IGF2: variants seen among roughly 807,000 people sequenced by gnomAD.
IGF2 encodes insulin like growth factor 2.
Under a neutral mutation model 12.0 loss-of-function variants are expected in IGF2, and 2 were observed. That is an observed-to-expected ratio of 0.17 (90% CI 0.07 to 0.52). IGF2 has a LOEUF of 0.52. Among genes scored for constraint, IGF2 ranks in the 20% least tolerant of loss-of-function variants. The pLI is 0.95. For synonymous variants in IGF2, 105 were observed against 110.1 expected, an observed-to-expected ratio of 0.95 and a Z score of 0.29; for missense variants, 211 against 268.0, an observed-to-expected ratio of 0.79 and a Z score of 1.48.
At position 2,133,507 on chromosome 11, in the gene IGF2, G is replaced by A. The variant is rs1219479983; in HGVS notation, c.306+10C>T. 6.2e-7 allele frequency: 1 copy of A among 1,609,140 alleles called. No individual in the cohort carries two copies. The highest frequency in any genetic ancestry group is 1.7e-5 in the Admixed American group (1 of 59,484). ...CTCTAGAGAGTGGGAAAGGGGCCCAGGACCCTCACCGGAAGCACGGTCGGA... is the reference window on the plus strand; with the variant it reads ...CTCTAGAGAGTGGGAAAGGGGCCCAAGACCCTCACCGGAAGCACGGTCGGA... On this transcript the variant is annotated intron_variant, in intron 3 of 3. Coordinates refer to ENST00000416167, the MANE Select transcript of IGF2 (RefSeq NM_000612.6). This position sits in a 1 kb window ranked among gnomAD's most constrained non-coding sequence, Gnocchi z 8.9.
chr11:2,141,705 A>G (rs1031138951), upstream of IGF2, among the ~76,000 whole-genome samples: 5 of 152,320 alleles, frequency 3.3e-5, no homozygotes, highest in South Asian at 2.1e-4. Flanking sequence ...GCAGCCGGGG[A>G]AAAAATAACC....
At chr11:2,137,290 C>T (rs895635743) in intron 1 of IGF2, 140 of 987,478 alleles carry the variant, frequency 1.4e-4, no homozygotes, top group Non-Finnish European at 1.6e-4. Context: ...GTCCAGTTTG[C>T]AGGCTGGTCA....
chr11:2,144,295 T>G (rs1859780294), upstream of IGF2, among the ~76,000 whole-genome samples: 1 of 152,004 alleles, frequency 6.6e-6, no homozygotes, highest in African/African-American at 2.4e-5. Context: ...TGCGCCCCAC[T>G]CGCCTCCGCG....
chr11:2,140,062 G>A, upstream of IGF2: 3 of 1,500,634 alleles, frequency 2.0e-6, no homozygotes, highest in South Asian at 3.7e-5. Flanking sequence ...ATCTGGGCCA[G>A]GCTTGGAGCC....
Position 2,138,964 on chromosome 11 carries a change from G to C in IGF2, c.-742C>G, listed in dbSNP as rs1859320725. The C allele has an allele frequency of 1.0e-6, 1 of 981,984 alleles. No homozygotes were observed. The highest frequency in any genetic ancestry group is 1.2e-6 in the Non-Finnish European group (1 of 827,176). The allele number at this position is 981,984 out of a possible 1,614,324, so 60.8% of individuals were successfully genotyped here. Reference sequence around the variant, plus strand: ...CCGTCGCGAGCCCGGGCCTCGGGAGGGGGACAGGCGGTGGCGGCACCGGGG... The same window carrying C: ...CCGTCGCGAGCCCGGGCCTCGGGAGCGGGACAGGCGGTGGCGGCACCGGGG... On this transcript the variant is annotated 5_prime_UTR_variant, in exon 1 of 4. Transcript: ENST00000416167.
rs896555118 is a variant in IGF2, at chr11:2,138,299, C to T, written c.-77G>A. On this transcript the variant is annotated 5_prime_UTR_variant, in exon 1 of 4. Coordinates refer to ENST00000416167, the MANE Select transcript of IGF2 (RefSeq NM_000612.6). ...AAACCGAACAGCGGGCGTTGGCCCT[C>T]CTGCCGGACACTCCTCTGCCAGCGC... 3 of 984,950 alleles carry T rather than the reference C, an allele frequency of 3.0e-6. No homozygotes were observed. The highest frequency in any genetic ancestry group is 3.5e-5 in the African/African-American group (2 of 57,184). The allele number at this position is 984,950 out of a possible 1,614,324, so 61.0% of individuals were successfully genotyped here.
upstream of IGF2, chr11:2,140,073 T>C: frequency 6.4e-7 from 1 of 1,553,016 alleles, no homozygotes; most frequent in Non-Finnish European, 8.8e-7. Context: ...GCTTGGAGCC[T>C]ACGGAGGCTC....
At position 2,132,208 on chromosome 11, in the gene IGF2, T is replaced by G. The variant is rs1858656780; in HGVS notation, c.*779A>C. ...CAATTACATTTCATTTGCATGGATT[T>G]TGGTTTTCATGCTCTGTCCTCCCCT... is the stretch of plus-strand genomic sequence containing the variant. On this transcript the variant is annotated 3_prime_UTR_variant, in exon 4 of 4. Transcript: ENST00000416167. The G allele has an allele frequency of 4.9e-6, 1 of 205,872 alleles. No homozygotes were observed. The allele number at this position is 205,872 out of a possible 1,614,324, so 12.8% of individuals were successfully genotyped here. A position where few individuals can be genotyped will look rare whatever the true frequency, so the allele number is the denominator to read the frequency against.
upstream of IGF2, among the ~76,000 whole-genome samples, chr11:2,144,800 G>A (rs966450878): frequency 5.3e-5 from 8 of 152,084 alleles, no homozygotes; most frequent in Admixed American, 1.3e-4. Flanking sequence ...AGGGGGCACC[G>A]CTGGGGACCA....
chr11:2,135,446 G>A lies in IGF2; in HGVS notation c.78C>T (p.Tyr26=), dbSNP rs1064794050. ...CGCCGCACAGGGTCTCACTGGGGCG[G>A]TAAGCAGCAATGCAGCACGAGGCGA... The part of the protein sequence containing the change: ...LAFASCCIAA[Y]RPSETLCGGE... Residue 26 remains tyrosine, a synonymous_variant, in exon 2 of 4, where the codon TAC becomes TAT. Coordinates refer to ENST00000416167, the MANE Select transcript of IGF2 (RefSeq NM_000612.6). The A allele has an allele frequency of 6.2e-7, 1 of 1,613,706 alleles. No homozygotes were observed. The highest frequency in any genetic ancestry group is 8.5e-7 in the Non-Finnish European group (1 of 1,180,006).
intron 1 of IGF2, among the ~76,000 whole-genome samples, chr11:2,137,788 C>T (rs1451339453): frequency 2.0e-5 from 3 of 152,256 alleles, no homozygotes; most frequent in Admixed American, 6.5e-5. Flanking sequence ...CCGCCCACCC[C>T]CGTCTTCCTC....
At chr11:2,146,630 T>A in the IGF2 span, 1 of 336,566 alleles carries the variant, frequency 3.0e-6, no homozygotes, top group South Asian at 2.2e-5. Flanking sequence ...CGCCACTGTG[T>A]TACCATTTTA....
Position 2,133,392 on chromosome 11 carries a change from G to T in IGF2, c.306+125C>A. ...GTCTGAGCTGCTCCCGGGCCACACA[G>T]CAAGCAAGGAAGTCACGGGTCCTTG... On this transcript the variant is annotated intron_variant, in intron 3 of 3. Transcript: ENST00000416167. This position sits in a 1 kb window ranked among gnomAD's most constrained non-coding sequence, Gnocchi z 8.9. The T allele has an allele frequency of 8.5e-7, 1 of 1,173,668 alleles. No homozygotes were observed. Among genetic ancestry groups the T allele is most frequent in the Non-Finnish European group, 1.2e-6 (1 of 844,162 alleles). The allele number at this position is 1,173,668 out of a possible 1,614,324, so 72.7% of individuals were successfully genotyped here. A position where few individuals can be genotyped will look rare whatever the true frequency, so the allele number is the denominator to read the frequency against.
chr11:2,137,456 C>G (rs1450542387), intron 1 of IGF2, among the ~76,000 whole-genome samples: 1 of 151,690 alleles, frequency 6.6e-6, no homozygotes, highest in Non-Finnish European at 1.5e-5. Context: ...ACCGGGAGCC[C>G]TGGACCATCC....
At chr11:2,147,642 C>G in the IGF2 span, 178 of 1,245,780 alleles carry the variant, frequency 1.4e-4, 2 homozygotes, top group African/African-American at 2.6e-3. The surrounding 1 kb of genome is among the most constrained non-coding windows in gnomAD (Gnocchi z 7.2). Context: ...GTCGCCTGGG[C>G]CACAGGCCAC....
In IGF2 at chr11:2,133,304, AC is replaced by A; in HGVS notation, c.307-82del. 1.9e-6 allele frequency: 2 copies of A among 1,077,972 alleles called. No individual in the cohort carries two copies. Among genetic ancestry groups the A allele is most frequent in the Middle Eastern group, 2.2e-4 (1 of 4,526 alleles). 66.8% of individuals were successfully genotyped at this position (1,077,972 alleles called of 1,614,324 possible). On this transcript the variant is annotated intron_variant, in intron 3 of 3. Transcript: ENST00000416167. This position sits in a 1 kb window ranked among gnomAD's most constrained non-coding sequence, Gnocchi z 8.9. ...AGCCGCCCGCCTGACCTGACAGGCC[AC>A]CCCTGTGACTGATCAGTGACTTGAG...
intron 1 of IGF2, chr11:2,137,294 C>CT (rs1236218311): frequency 1.0e-6 from 1 of 986,378 alleles, no homozygotes; most frequent in Non-Finnish European, 1.2e-6. Context: ...AGTTTGCAGG[C>CT]TGGTCAGTGC....
At chr11:2,145,357 G>T (rs1859853913), upstream of IGF2, among the ~76,000 whole-genome samples, 1 of 152,206 alleles carries the variant, frequency 6.6e-6, no homozygotes, top group Non-Finnish European at 1.5e-5. Context: ...AGCGGACTAG[G>T]TTGCCGAGGC....
rs559955724 is a variant in IGF2, at chr11:2,131,438, G to A, written c.*1549C>T. The A allele has an allele frequency of 1.2e-4, 28 of 228,528 alleles. No homozygotes were observed. The highest frequency in any genetic ancestry group is 2.5e-4 in the African/African-American group (11 of 43,358). 14.2% of individuals were successfully genotyped at this position (228,528 alleles called of 1,614,324 possible). A position where few individuals can be genotyped will look rare whatever the true frequency, so the allele number is the denominator to read the frequency against. On this transcript the variant is annotated 3_prime_UTR_variant, in exon 4 of 4. Transcript: ENST00000416167. ...TTTGTGGGGGTGTGCGTGTGTGTGCGCATGTGTGTGTGCAGGTGGGTGCTT... is the reference window on the plus strand; with the variant it reads ...TTTGTGGGGGTGTGCGTGTGTGTGCACATGTGTGTGTGCAGGTGGGTGCTT...
Sources: allele counts gnomAD v4.1 joint callset (sites outside exome capture counted in the v4.1 genomes callset), GRCh38; gene constraint gnomAD v4.1.1; non-coding constraint Gnocchi (gnomAD v3.1); transcripts MANE v1.5; gene names NCBI Gene and HGNC (gene_info 2026-07-23, HGNC 2026-07-21).